Variants in HNRNPC observed in about 807,000 individuals in gnomAD.
HNRNPC encodes the protein heterogeneous nuclear ribonucleoprotein C.
In HNRNPC, 3 loss-of-function variants were observed where a neutral mutation model predicts 33.2. The observed-to-expected ratio is 0.09, with a 90% CI of 0.04 to 0.23. HNRNPC has a LOEUF of 0.23. HNRNPC is among the 10% of genes least tolerant of loss of function. The pLI is 1.00. For synonymous variants in HNRNPC, 121 were observed against 126.7 expected, an observed-to-expected ratio of 0.96 and a Z score of 0.30; for missense variants, 143 against 366.7, an observed-to-expected ratio of 0.39 and a Z score of 4.98.
At chr14:21,237,123 A>C (rs1333101232) in intron 2 of HNRNPC, among the ~76,000 whole-genome samples, 1 of 152,194 alleles carries the variant, frequency 6.6e-6, no homozygotes, top group Non-Finnish European at 1.5e-5. Context: ...AAAATGTGTG[A>C]AGGTGCAAGA....
At chr14:21,269,012 T>C (rs1301738940) in intron 1 of HNRNPC, among the ~76,000 whole-genome samples, 4 of 152,038 alleles carry the variant, frequency 2.6e-5, no homozygotes, top group South Asian at 2.1e-4. Context: ...CATGATCCCG[T>C]AGTCCTCGCG....
intron 1 of HNRNPC, chr14:21,268,708 T>C (rs1442771170): frequency 6.6e-6 from 1 of 152,224 alleles, no homozygotes; most frequent in African/African-American, 2.4e-5. Flanking sequence ...AATATAGTTA[T>C]ATCACAATAT....
chr14:21,222,040 CAAAAAAAA>C (rs71112558), intron 5 of HNRNPC, among the ~76,000 whole-genome samples: 2 of 65,692 alleles, frequency 3.0e-5, no homozygotes, highest in Non-Finnish European at 5.3e-5. Flanking sequence ...GACTCCGTCT[CAAAAAAAA>C]AAAAAAAAAA....
At chr14:21,227,952 C>A (rs761466276) in intron 5 of HNRNPC, among the ~76,000 whole-genome samples, 3 of 152,148 alleles carry the variant, frequency 2.0e-5, no homozygotes, top group Non-Finnish European at 4.4e-5. Context: ...AACACAACCA[C>A]GTCCTTAATC....
At chr14:21,243,771 C>A (rs1356581751) in intron 2 of HNRNPC, among the ~76,000 whole-genome samples, 3 of 152,124 alleles carry the variant, frequency 2.0e-5, no homozygotes, top group Non-Finnish European at 4.4e-5. Context: ...GGAACTGAAT[C>A]TTTTATATAA....
chr14:21,224,556 T>A (rs879650528), intron 5 of HNRNPC, among the ~76,000 whole-genome samples: 3 of 152,118 alleles, frequency 2.0e-5, no homozygotes, highest in Non-Finnish European at 4.4e-5. Context: ...GTCCAACCAA[T>A]CACATCAAGA....
intron 2 of HNRNPC, among the ~76,000 whole-genome samples, chr14:21,254,820 C>G (rs1876862334): frequency 6.6e-6 from 1 of 151,832 alleles, no homozygotes; most frequent in East Asian, 1.9e-4. Context: ...GCAGGAGAAT[C>G]ACTTGAATCC....
At chr14:21,264,635 G>A (rs955767227) in intron 1 of HNRNPC, 3 of 152,156 alleles carry the variant, frequency 2.0e-5, no homozygotes, top group African/African-American at 2.4e-5. Flanking sequence ...AATAGGAACT[G>A]CAATTAGACT....
At chr14:21,231,831 T>C (rs1459119171) in intron 3 of HNRNPC, among the ~76,000 whole-genome samples, 5 of 152,206 alleles carry the variant, frequency 3.3e-5, no homozygotes, top group African/African-American at 9.7e-5. Context: ...TGGTTGCCTT[T>C]CCAAGAATGG....
intron 1 of HNRNPC, among the ~76,000 whole-genome samples, chr14:21,268,910 C>G (rs976805850): frequency 6.6e-6 from 1 of 152,048 alleles, no homozygotes; most frequent in Non-Finnish European, 1.5e-5. Flanking sequence ...TCCCCTCCCC[C>G]ACTTTTTACA....
chr14:21,233,642 C>G (rs527639689), intron 3 of HNRNPC, among the ~76,000 whole-genome samples: 1 of 152,210 alleles, frequency 6.6e-6, no homozygotes, highest in South Asian at 2.1e-4. Context: ...CACTAGAGGG[C>G]TCCTCCAGTC....
chr14:21,265,486 G>A (rs1164127719), intron 1 of HNRNPC: 3 of 152,124 alleles, frequency 2.0e-5, no homozygotes, highest in Non-Finnish European at 4.4e-5. Flanking sequence ...CTCATAAAAA[G>A]ACCAACTTTA....
chr14:21,222,035 C>T lies in HNRNPC; in HGVS notation c.365+8284G>A, dbSNP rs556348028. Among the ~76,000 whole-genome samples the T allele has an allele frequency of 8.9e-3, 680 of 76,494 alleles. 1 individual carries two copies. The highest frequency in any genetic ancestry group is 0.014 in the Non-Finnish European group (581 of 41,628). The allele number at this position is 76,494 out of a possible 152,430, so 50.2% of individuals were successfully genotyped here. ...CAGATTGAGTGACAGAGCAAGACTC[C>T]GTCTCAAAAAAAAAAAAAAAAAAAA... is the stretch of plus-strand genomic sequence containing the variant. On this transcript the variant is annotated intron_variant, in intron 5 of 8. Coordinates refer to ENST00000553300, the MANE Select transcript of HNRNPC (RefSeq NM_004500.4).
At chr14:21,240,750 G>A (rs1324499090) in intron 2 of HNRNPC, among the ~76,000 whole-genome samples, 1 of 152,136 alleles carries the variant, frequency 6.6e-6, no homozygotes, top group Non-Finnish European at 1.5e-5. Flanking sequence ...AGTACAAGAT[G>A]TTTCTACTGG....
intron 2 of HNRNPC, among the ~76,000 whole-genome samples, chr14:21,237,302 T>C (rs1894806224): frequency 1.3e-5 from 2 of 152,382 alleles, no homozygotes; most frequent in African/African-American, 4.8e-5. Flanking sequence ...GACATTCTAG[T>C]CTTCCCAGAA....
At chr14:21,256,373 C>A (rs752615489) in intron 2 of HNRNPC, among the ~76,000 whole-genome samples, 17 of 151,864 alleles carry the variant, frequency 1.1e-4, no homozygotes, top group African/African-American at 1.7e-4. Flanking sequence ...TGCTTGAACC[C>A]GGGAGGCAGA....
chr14:21,260,507 GCTTT>G (rs768718735), intron 2 of HNRNPC, among the ~76,000 whole-genome samples: 5 of 151,904 alleles, frequency 3.3e-5, no homozygotes, highest in South Asian at 4.2e-4. Context: ...ATTTCTGCAT[GCTTT>G]CTTTTTTTAA....
At chr14:21,269,078 A>G (rs1879510790) in intron 1 of HNRNPC, among the ~76,000 whole-genome samples, 1 of 152,030 alleles carries the variant, frequency 6.6e-6, no homozygotes, top group Non-Finnish European at 1.5e-5. Flanking sequence ...AAAAAAGGAC[A>G]TTTTCCCTGG....
chr14:21,226,893 A>T (rs1345405195), intron 5 of HNRNPC, among the ~76,000 whole-genome samples: 1 of 112,174 alleles, frequency 8.9e-6, no homozygotes, highest in Admixed American at 8.8e-5. Flanking sequence ...AAAAAAAAAA[A>T]AAGGGGGGGG....
Sources: allele counts gnomAD v4.1 joint callset (sites outside exome capture counted in the v4.1 genomes callset), GRCh38; gene constraint gnomAD v4.1.1; transcripts MANE v1.5; gene names NCBI Gene and HGNC (gene_info 2026-07-23, HGNC 2026-07-21).